DTNA: variants seen among roughly 807,000 people sequenced by gnomAD.
The protein encoded by DTNA is dystrobrevin alpha.
Under a neutral mutation model 100.7 loss-of-function variants are expected in DTNA, and 43 were observed. The ratio of observed to expected loss-of-function variants is 0.43; its 90% confidence interval spans 0.33 to 0.55. The LOEUF (loss-of-function observed/expected upper bound fraction) is 0.55, where lower values mean the gene tolerates loss of function less well. DTNA is among the 20% of genes least tolerant of loss of function. The pLI, the probability that DTNA is intolerant of heterozygous loss-of-function variation, is 0.04. For synonymous variants in DTNA, 349 were observed against 347.9 expected (o/e 1.00, Z -0.04); for missense variants, 798 against 953.9 (o/e 0.84, Z 2.15).
At chr18:34,508,195 T>G (rs1387732758) in intron 1 of DTNA, among the ~76,000 whole-genome samples, 1 of 152,190 alleles carries the variant, frequency 6.6e-6, no homozygotes, top group Admixed American at 6.6e-5. Context: ...TGTAGCTGTT[T>G]TTATGTTCTT....
intron 1 of DTNA, among the ~76,000 whole-genome samples, chr18:34,734,730 C>T (rs144156243): frequency 1.3e-5 from 2 of 152,248 alleles, no homozygotes; most frequent in African/African-American, 4.8e-5. Flanking sequence ...CCTTTATTCT[C>T]CATATATGGT....
At chr18:34,749,677 AAC>A (rs1188954932) in intron 1 of DTNA, among the ~76,000 whole-genome samples, 1 of 1,694 alleles carries the variant, frequency 5.9e-4, no homozygotes, top group African/African-American at 9.9e-4. Context: ...TAATAATAAT[AAC>A]AAATAAGATA....
intron 1 of DTNA, among the ~76,000 whole-genome samples, chr18:34,556,696 G>A (rs1447893425): frequency 6.7e-6 from 1 of 150,250 alleles, no homozygotes; most frequent in Non-Finnish European, 1.5e-5. Context: ...TTGAATATCG[G>A]CCCCCACTCT....
chr18:34,762,288 C>T (rs2093225401), intron 2 of DTNA, among the ~76,000 whole-genome samples: 1 of 152,174 alleles, frequency 6.6e-6, no homozygotes, highest in Non-Finnish European at 1.5e-5. Flanking sequence ...AGCTGTTGGA[C>T]TGTGCATGTG....
At chr18:34,823,044 AT>A (rs1391329436) in intron 9 of DTNA, among the ~76,000 whole-genome samples, 4 of 152,116 alleles carry the variant, frequency 2.6e-5, no homozygotes, top group Admixed American at 6.5e-5. Context: ...TTAGAAAAGA[AT>A]TTTTTTTCTA....
At chr18:34,622,438 G>A (rs975134416) in intron 1 of DTNA, among the ~76,000 whole-genome samples, 1 of 152,152 alleles carries the variant, frequency 6.6e-6, no homozygotes, top group South Asian at 2.1e-4. Flanking sequence ...TGACAGTGAG[G>A]TGGTTAATTT....
chr18:34,514,212 ATGTGTTTGTGTATG>A (rs2041368806), intron 1 of DTNA, among the ~76,000 whole-genome samples: 1 of 151,934 alleles, frequency 6.6e-6, no homozygotes, highest in Admixed American at 6.6e-5. Context: ...CTTTGTGTGC[ATGTGTTTGTGTATG>A]TGTGTTTGTG....
At chr18:34,863,160 C>G in intron 16 of DTNA, among the ~76,000 whole-genome samples, 1 of 152,162 alleles carries the variant, frequency 6.6e-6, no homozygotes, top group East Asian at 1.9e-4. Context: ...TATACATATA[C>G]TTCAGAATTG....
chr18:34,640,224 C>T (rs1449501265), intron 1 of DTNA, among the ~76,000 whole-genome samples: 1 of 152,148 alleles, frequency 6.6e-6, no homozygotes, highest in Non-Finnish European at 1.5e-5. Flanking sequence ...CATTTCATTA[C>T]CTCTCTCAGC....
intron 1 of DTNA, among the ~76,000 whole-genome samples, chr18:34,594,388 C>T (rs1202178516): frequency 6.6e-6 from 1 of 152,232 alleles, no homozygotes; most frequent in South Asian, 2.1e-4. Context: ...CTCTTCCAAA[C>T]TTGCACAGCA....
At chr18:34,502,218 C>T (rs908641363) in intron 1 of DTNA, among the ~76,000 whole-genome samples, 17 of 152,050 alleles carry the variant, frequency 1.1e-4, no homozygotes, top group African/African-American at 4.1e-4. Context: ...TAGTGCTATC[C>T]CATGTTTCAT....
At chr18:34,852,042 G>A (rs1426086362) in intron 15 of DTNA, 114 bp downstream of exon 15, 7 of 1,025,656 alleles carry the variant, frequency 6.8e-6, no homozygotes, top group African/African-American at 3.2e-5. Context: ...CTCAAGGGAA[G>A]ACATCTACAC....
intron 1 of DTNA, among the ~76,000 whole-genome samples, chr18:34,634,349 AT>A (rs934237838): frequency 1.3e-5 from 2 of 152,154 alleles, no homozygotes; most frequent in Admixed American, 6.5e-5. Flanking sequence ...GAAATTTAAA[AT>A]TTTTTTACTT....
At chr18:34,496,431 T>G (rs2039236207) in intron 1 of DTNA, among the ~76,000 whole-genome samples, 1 of 152,240 alleles carries the variant, frequency 6.6e-6, no homozygotes, top group Non-Finnish European at 1.5e-5. Context: ...TATCCTTTCT[T>G]AACTCAGTGT....
chr18:34,683,981 T>A (rs140671653), intron 1 of DTNA, among the ~76,000 whole-genome samples: 324 of 152,176 alleles, frequency 2.1e-3, no homozygotes, highest in African/African-American at 7.7e-3. Context: ...GGTACACATA[T>A]GTGGGAAATG....
chr18:34,749,639 C>CAAAAAAAAAA (rs1232445254), intron 1 of DTNA, among the ~76,000 whole-genome samples: 11 of 75,096 alleles, frequency 1.5e-4, no homozygotes, highest in South Asian at 7.1e-4. Context: ...CACCTCTCTC[C>CAAAAAAAAAA]AAAAAATAAT....
intron 1 of DTNA, among the ~76,000 whole-genome samples, chr18:34,698,965 A>G (rs2080991188): frequency 6.6e-6 from 1 of 151,140 alleles, no homozygotes; most frequent in Non-Finnish European, 1.5e-5. Context: ...AATACTAATC[A>G]TCACAACAGT....
At chr18:34,629,751 C>T (rs1272099523) in intron 1 of DTNA, among the ~76,000 whole-genome samples, 1 of 152,180 alleles carries the variant, frequency 6.6e-6, no homozygotes, top group Non-Finnish European at 1.5e-5. Context: ...TTCATTTTCT[C>T]ATGGGCTTCT....
intron 1 of DTNA, among the ~76,000 whole-genome samples, chr18:34,547,558 T>C (rs2044928242): frequency 6.6e-6 from 1 of 152,156 alleles, no homozygotes; most frequent in Admixed American, 6.6e-5. Flanking sequence ...ATTGCCCTTA[T>C]ACTGGACAAG....
Sources: allele counts gnomAD v4.1 joint callset (sites outside exome capture counted in the v4.1 genomes callset), GRCh38; gene constraint gnomAD v4.1.1; transcripts MANE v1.5; gene names NCBI Gene and HGNC (gene_info 2026-07-23, HGNC 2026-07-21).